The following TF variants were observed in gnomAD, a reference collection of about 807,000 sequenced individuals.
The protein encoded by TF is serotransferrin.
A neutral mutation model predicts 82.4 loss-of-function variants in TF; 55 were observed. That is an observed-to-expected ratio of 0.67 (90% CI 0.54 to 0.84). TF has a LOEUF of 0.84. Among genes scored for constraint, TF ranks in the 40% least tolerant of loss-of-function variants. The pLI is 0.00. For missense variants in TF, 737 were observed against 868.4 expected, an observed-to-expected ratio of 0.85 and a Z score of 1.90; for synonymous variants, 332 against 332.6, an observed-to-expected ratio of 1.00 and a Z score of 0.02.
chr3:133,749,701 T>C (rs577410858), intron 2 of TF, among the ~76,000 whole-genome samples: 6 of 152,232 alleles, frequency 3.9e-5, no homozygotes, highest in Admixed American at 3.9e-4. Flanking sequence ...GTGGGCTTAT[T>C]TAAGTTGCTA....
chr3:133,753,738 C>T, intron 3 of TF, 35 bp downstream of exon 3: 1 of 1,526,858 alleles, frequency 6.5e-7, no homozygotes, highest in Non-Finnish European at 9.1e-7. Context: ...AAGGAGTTGT[C>T]ATCCTTATTC....
At position 133,754,588 on chromosome 3, in the gene TF, G is replaced by C; in HGVS notation, c.419G>C (p.Gly140Ala). 6.2e-7 allele frequency: 1 copy of C among 1,614,168 alleles called. No homozygotes were observed. The highest frequency in any genetic ancestry group is 8.5e-7 in the Non-Finnish European group (1 of 1,179,998). Reference sequence around the variant, plus strand: ...CGAGGCAAGAAGTCCTGCCACACGGGTCTAGGCAGGTCCGCTGGGTGGAAC... The same window carrying C: ...CGAGGCAAGAAGTCCTGCCACACGGCTCTAGGCAGGTCCGCTGGGTGGAAC... Reference protein sequence around the residue: ...QLRGKKSCHTGLGRSAGWNIP... With the variant: ...QLRGKKSCHTALGRSAGWNIP... The change falls in exon 4 of 17, where the codon GGT becomes GCT. Residue 140 changes from glycine (G) to alanine (A), a missense_variant. Coordinates refer to ENST00000402696, the MANE Select transcript of TF (RefSeq NM_001063.4).
intron 1 of TF, among the ~76,000 whole-genome samples, chr3:133,747,763 A>T (rs1933544302): frequency 1.3e-5 from 2 of 152,194 alleles, no homozygotes; most frequent in African/African-American, 4.8e-5. Context: ...GCAACAGACA[A>T]GAGTTACAGA....
chr3:133,772,628 T>C (rs1359211851), intron 14 of TF: 1 of 152,234 alleles, frequency 6.6e-6, no homozygotes, highest in East Asian at 1.9e-4. Context: ...TCTATCCTTA[T>C]AGAGAATCCT....
the TF span, among the ~76,000 whole-genome samples, chr3:133,716,120 C>T: frequency 6.6e-6 from 1 of 152,258 alleles, no homozygotes; most frequent in East Asian, 1.9e-4. Flanking sequence ...CTTCCCCAGC[C>T]TCTACATGCT....
chr3:133,728,441 T>G, the TF span, among the ~76,000 whole-genome samples: 14 of 149,718 alleles, frequency 9.4e-5, 1 homozygote, highest in African/African-American at 3.6e-4. Context: ...TCCAGTTCAT[T>G]GCATCAGCTC....
At chr3:133,685,451 C>A in the TF span, among the ~76,000 whole-genome samples, 1 of 152,158 alleles carries the variant, frequency 6.6e-6, no homozygotes, top group East Asian at 1.9e-4. Flanking sequence ...ATTTAGAAAA[C>A]CCCATCGTCT....
chr3:133,669,954 G>A, the TF span, among the ~76,000 whole-genome samples: 1 of 152,220 alleles, frequency 6.6e-6, no homozygotes, highest in East Asian at 1.9e-4. Context: ...ATGAATAAGT[G>A]AAGGGAGAGC....
At position 133,756,943 on chromosome 3, in the gene TF, T is replaced by A; in HGVS notation, c.804T>A (p.His268Gln). 6.2e-7 allele frequency: 1 copy of A among 1,614,086 alleles called. No homozygotes were observed. ...KDCHLAQVPS[H>Q]TVVARSMGGK... is the part of the protein sequence containing the mutation. ...GCCACTTGGCCCAGGTCCCTTCTCA[T>A]ACCGTCGTGGCCCGAAGTATGGGCG... The change falls in exon 7 of 17, where the codon CAT becomes CAA. Residue 268 changes from histidine (H) to glutamine (Q), a missense_variant. His to Gln is a conservative substitution (Grantham distance 24). Coordinates refer to ENST00000402696, the MANE Select transcript of TF (RefSeq NM_001063.4).
Position 133,748,359 on chromosome 3 carries a change from C to G in TF, c.44-53C>G, listed in dbSNP as rs372031345. The G allele has an allele frequency of 3.2e-5, 52 of 1,610,066 alleles. No individual in the cohort carries two copies. In the South Asian group the frequency reaches 5.1e-4, roughly 16 times the overall value. On this transcript the variant is annotated intron_variant, in intron 1 of 16. Transcript: ENST00000402696. ...AAGGCCTTTCTAGGGGCGATGCTGT[C>G]TCTCCCTCAGCATAGGGAGTGGGCC...
At chr3:133,753,946 G>GA (rs1422509570) in intron 3 of TF, 3 of 598,658 alleles carry the variant, frequency 5.0e-6, no homozygotes, top group African/African-American at 3.7e-5. Context: ...GCTTATCAGA[G>GA]AAACACAGCA....
At chr3:133,775,179 A>C in intron 14 of TF, 1 of 559,084 alleles carries the variant, frequency 1.8e-6, no homozygotes, top group Admixed American at 3.0e-5. Context: ...TGCAGAATGT[A>C]GTTCATTCTC....
rs570955454 is a variant in TF, at chr3:133,788,279, A to G, written c.*9659A>G. 7.2e-5 allele frequency: 11 copies of G among 152,318 alleles called. No homozygotes were observed. Among genetic ancestry groups the G allele is most frequent in the Admixed American group, 3.9e-4 (6 of 15,294 alleles). The allele number at this position is 152,318 out of a possible 1,614,324, so 9.4% of individuals were successfully genotyped here. On this transcript the variant is annotated 3_prime_UTR_variant, in exon 17 of 17. Coordinates refer to ENST00000402696, the MANE Select transcript of TF (RefSeq NM_001063.4). Reference sequence around the variant, plus strand: ...TACATCAAGTAAATGACTAGGGTGTATACTAAGTAAATGACTTTGTAACTT... The same window carrying G: ...TACATCAAGTAAATGACTAGGGTGTGTACTAAGTAAATGACTTTGTAACTT...
chr3:133,751,999 T>G (rs1933685943), intron 2 of TF, among the ~76,000 whole-genome samples: 1 of 152,180 alleles, frequency 6.6e-6, no homozygotes, highest in African/African-American at 2.4e-5. Flanking sequence ...CTGATATAGT[T>G]TGTCTTACAA....
rs574798734 is a variant in TF, at chr3:133,782,281, C to T, written c.*3661C>T. The T allele has an allele frequency of 6.6e-6, 1 of 152,296 alleles. No individual in the cohort carries two copies. The highest frequency in any genetic ancestry group is 2.4e-5 in the African/African-American group (1 of 41,556). 9.4% of individuals were successfully genotyped at this position (152,296 alleles called of 1,614,324 possible). On this transcript the variant is annotated 3_prime_UTR_variant, in exon 17 of 17. Transcript: ENST00000402696. ...AGGGCTACATATGACCCAACAATCC[C>T]TCTTTAGGGGATATACACAAATAAA...
the TF span, among the ~76,000 whole-genome samples, chr3:133,674,726 TCACAGCGG>T: frequency 0.15 from 22,550 of 152,116 alleles, 1,906 homozygotes; most frequent in Non-Finnish European, 0.2. Context: ...AGCGGGTCGG[TCACAGCGG>T]GACCCTGCGC....
the TF span, among the ~76,000 whole-genome samples, chr3:133,703,607 G>C: frequency 6.6e-6 from 1 of 152,240 alleles, no homozygotes; most frequent in African/African-American, 2.4e-5. Flanking sequence ...TGTAGTCACT[G>C]TTTTTAGATT....
intron 12 of TF, among the ~76,000 whole-genome samples, chr3:133,767,405 C>A (rs1576364581): frequency 6.6e-6 from 1 of 152,320 alleles, no homozygotes; most frequent in Admixed American, 6.5e-5. Context: ...ACCCAGAAAA[C>A]CCTGTGGGGT....
the TF span, among the ~76,000 whole-genome samples, chr3:133,671,552 G>A: frequency 6.6e-6 from 1 of 151,976 alleles, no homozygotes; most frequent in African/African-American, 2.4e-5. Context: ...GGGAGGCCAA[G>A]GCAGGCAGAT....
Sources: allele counts gnomAD v4.1 joint callset (sites outside exome capture counted in the v4.1 genomes callset), GRCh38; gene constraint gnomAD v4.1.1; transcripts MANE v1.5; gene names NCBI Gene and HGNC (gene_info 2026-07-23, HGNC 2026-07-21).